Variants in GTF3C1 observed in about 807,000 individuals in gnomAD.
GTF3C1 encodes general transcription factor IIIC subunit 1.
In GTF3C1, 57 loss-of-function variants were observed where a neutral mutation model predicts 226.7. That is an observed-to-expected ratio of 0.25 (90% CI 0.20 to 0.31). GTF3C1 has a LOEUF of 0.31. Among genes scored for constraint, GTF3C1 ranks in the 10% least tolerant of loss-of-function variants. The pLI is 1.00. For missense variants in GTF3C1, 2,217 were observed against 2,776.1 expected (o/e 0.80, Z 4.53); for synonymous variants, 1,090 against 1,084.8 (o/e 1.00, Z -0.09).
chr16:27,538,162 G>A lies in GTF3C1; in HGVS notation c.608+18C>T. On this transcript the variant is annotated intron_variant, in intron 3 of 36. Coordinates refer to ENST00000356183, the MANE Select transcript of GTF3C1 (RefSeq NM_001520.4). ...ATGACATATAATTTAAAGCAGAGAA[G>A]CAAATCCCCCCACTTACTTGAAAGC... 1 of 1,509,344 alleles carries A rather than the reference G, an allele frequency of 6.6e-7. No individual in the cohort carries two copies. Among genetic ancestry groups the A allele is most frequent in the Non-Finnish European group, 8.9e-7 (1 of 1,119,132 alleles). The allele number at this position is 1,509,344 out of a possible 1,614,324, so 93.5% of individuals were successfully genotyped here.
At chr16:27,466,559 T>C (rs554700965) in intron 32 of GTF3C1, among the ~76,000 whole-genome samples, 2 of 152,316 alleles carry the variant, frequency 1.3e-5, no homozygotes, top group Admixed American at 6.5e-5. Context: ...GTGACCCCTC[T>C]GCATTCAAGT....
At chr16:27,473,973 C>T (rs2087915486) in intron 29 of GTF3C1, among the ~76,000 whole-genome samples, 1 of 152,310 alleles carries the variant, frequency 6.6e-6, no homozygotes, top group Non-Finnish European at 1.5e-5. Flanking sequence ...GGTGTATTCC[C>T]ACATAACAGG....
intron 27 of GTF3C1, chr16:27,480,698 C>A: frequency 5.2e-6 from 1 of 194,030 alleles, no homozygotes. Flanking sequence ...ACCCAAGATT[C>A]TTCTTCCAAA....
At chr16:27,522,043 T>C (rs996346913) in intron 6 of GTF3C1, among the ~76,000 whole-genome samples, 3 of 152,260 alleles carry the variant, frequency 2.0e-5, no homozygotes, top group Non-Finnish European at 4.4e-5. Context: ...CCATTTTAAC[T>C]ATCATAATTT....
chr16:27,525,185 T>TAAAAGAAAAGAAAAGAAAAGAAAAG lies in GTF3C1; in HGVS notation c.973+3412_973+3413insCTTTTCTTTTCTTTTCTTTTCTTTT, dbSNP rs60325418. Among the ~76,000 whole-genome samples, 298 of 150,740 alleles carry TAAAAGAAAAGAAAAGAAAAGAAAAG rather than the reference T, an allele frequency of 2.0e-3. 3 individuals are homozygous for TAAAAGAAAAGAAAAGAAAAGAAAAG. The highest frequency in any genetic ancestry group is 6.8e-3 in the African/African-American group (278 of 40,632). ...AAAGAAAGAAAAGAAAAGAAAGAAA[T>TAAAAGAAAAGAAAAGAAAAGAAAAG]AAAAGAAAAGAAAAGAAAAGATCAA... On this transcript the variant is annotated intron_variant, in intron 6 of 36. Transcript: ENST00000356183.
rs778802112 is a variant in GTF3C1 at position 27,492,674 on chromosome 16, C to T, written c.2916G>A (p.Leu972=). ...IFSVVENLQR[L]CYMGLLQFGP... Reference sequence around the variant, plus strand: ...CAAACTGTAGCAGCCCCATGTAGCACAGCCTCTGAAGGTTCTCCACCACCG... The same window carrying T: ...CAAACTGTAGCAGCCCCATGTAGCATAGCCTCTGAAGGTTCTCCACCACCG... Residue 972 remains leucine, a synonymous_variant, in exon 18 of 37, where the codon CTG becomes CTA. Transcript: ENST00000356183. The surrounding 1 kb of genome is among the most constrained non-coding windows in gnomAD (Gnocchi z 5.0). The T allele has an allele frequency of 3.7e-6, 6 of 1,607,740 alleles. No homozygotes were observed. In the East Asian group the frequency reaches 6.7e-5, roughly 18 times the overall value.
At chr16:27,478,927 GA>G (rs1461490295) in intron 27 of GTF3C1, among the ~76,000 whole-genome samples, 1 of 151,828 alleles carries the variant, frequency 6.6e-6, no homozygotes, top group Non-Finnish European at 1.5e-5. Context: ...ATAGAAGAAG[GA>G]AAAAGGTGGT....
intron 6 of GTF3C1, among the ~76,000 whole-genome samples, chr16:27,521,039 C>T (rs779020814): frequency 2.6e-5 from 4 of 152,060 alleles, no homozygotes; most frequent in African/African-American, 7.3e-5. Context: ...TCTTAAAGCG[C>T]GATCAATAGA....
chr16:27,515,644 C>G (rs945487610), intron 6 of GTF3C1, among the ~76,000 whole-genome samples: 1 of 152,166 alleles, frequency 6.6e-6, no homozygotes, highest in Non-Finnish European at 1.5e-5. Flanking sequence ...CAGAGCCAGG[C>G]AGAGAAGTGT....
intron 1 of GTF3C1, among the ~76,000 whole-genome samples, chr16:27,546,605 T>C (rs2089168504): frequency 6.6e-6 from 1 of 151,780 alleles, no homozygotes; most frequent in African/African-American, 2.4e-5. Flanking sequence ...CCTTGCAAAG[T>C]GCTAGGATTA....
intron 2 of GTF3C1, among the ~76,000 whole-genome samples, chr16:27,539,912 T>G: frequency 6.6e-6 from 1 of 152,154 alleles, no homozygotes; most frequent in East Asian, 1.9e-4. Flanking sequence ...GGTATTCTGT[T>G]GTATCAGCAG....
rs187257605 is a variant in GTF3C1 at position 27,519,960 on chromosome 16, A to T, written c.974-8059T>A. Among the ~76,000 whole-genome samples, 344 of 152,290 alleles carry T rather than the reference A, an allele frequency of 2.3e-3. 3 individuals are homozygous for T. The highest frequency in any genetic ancestry group is 7.2e-3 in the African/African-American group (298 of 41,588). On this transcript the variant is annotated intron_variant, in intron 6 of 36. Transcript: ENST00000356183. The stretch of plus-strand genomic sequence containing the variant: ...GTCTCTACAAAAAAAACAATTTTTT[A>T]AAAAAATTAGCTGGTGTGGTGGCAC...
At position 27,469,642 on chromosome 16, in the gene GTF3C1, GCT is replaced by G; in HGVS notation, c.4815-94_4815-93del. 1 of 1,422,830 alleles carries G rather than the reference GCT, an allele frequency of 7.0e-7. No homozygotes were observed. Among genetic ancestry groups the G allele is most frequent in the Non-Finnish European group, 9.7e-7 (1 of 1,035,954 alleles). 88.1% of individuals were successfully genotyped at this position (1,422,830 alleles called of 1,614,324 possible). On this transcript the variant is annotated intron_variant, in intron 31 of 36. Transcript: ENST00000356183. The surrounding 1 kb of genome is among the most constrained non-coding windows in gnomAD (Gnocchi z 4.5). ...TCCCTCAAGAGGCCTCTGTGGCTGGGCTTCAGCAGTGGCCCCAGCAACTGGCT... is the reference window on the plus strand; with the variant it reads ...TCCCTCAAGAGGCCTCTGTGGCTGGGTCAGCAGTGGCCCCAGCAACTGGCT...
rs944999609 is a variant in GTF3C1 at position 27,534,041 on chromosome 16, G to T, written c.753-654C>A. On this transcript the variant is annotated intron_variant, in intron 4 of 36. Coordinates refer to ENST00000356183, the MANE Select transcript of GTF3C1 (RefSeq NM_001520.4). The stretch of plus-strand genomic sequence containing the variant: ...AAAAAACAGATCACTTGGTGAGGAA[G>T]GATGGGGGTTATTCTACAAAGTTAA... 3.3e-5 allele frequency among the ~76,000 whole-genome samples: 5 copies of T among 152,242 alleles called. No individual in the cohort carries two copies. The East Asian group carries it at 9.7e-4, about 29-fold the overall frequency.
Position 27,469,221 on chromosome 16 carries a change from G to A in GTF3C1, c.5074+70C>T, listed in dbSNP as rs1192899094. 6.8e-7 allele frequency: 1 copy of A among 1,465,686 alleles called. No homozygotes were observed. The highest frequency in any genetic ancestry group is 2.1e-5 in the Admixed American group (1 of 47,050). 90.8% of individuals were successfully genotyped at this position (1,465,686 alleles called of 1,614,324 possible). A position where few individuals can be genotyped will look rare whatever the true frequency, so the allele number is the denominator to read the frequency against. On this transcript the variant is annotated intron_variant, in intron 32 of 36. Coordinates refer to ENST00000356183, the MANE Select transcript of GTF3C1 (RefSeq NM_001520.4). This position sits in a 1 kb window ranked among gnomAD's most constrained non-coding sequence, Gnocchi z 4.5. ...GGGAGCCTGAAGGTCTAGGTCCCAG[G>A]CCAGGCCTCAGGGTCTTCCTGGATG...
At chr16:27,540,005 A>G (rs567440895) in intron 2 of GTF3C1, among the ~76,000 whole-genome samples, 2 of 152,120 alleles carry the variant, frequency 1.3e-5, no homozygotes, top group South Asian at 4.2e-4. Flanking sequence ...CAGGCTACCA[A>G]TTCTGTTCAC....
intron 24 of GTF3C1, 127 bp from the exon 25 acceptor site, chr16:27,484,480 G>C: frequency 1.5e-6 from 1 of 647,928 alleles, no homozygotes; most frequent in Non-Finnish European, 2.8e-6. Flanking sequence ...CCCCACAACT[G>C]TCACCTCACA....
rs2088199605 is a variant in GTF3C1, at chr16:27,489,526, C to T, written c.3293+76G>A. 11 of 1,198,044 alleles carry T rather than the reference C, an allele frequency of 9.2e-6. No individual in the cohort carries two copies. The South Asian group carries it at 1.4e-4, about 15-fold the overall frequency. 74.2% of individuals were successfully genotyped at this position (1,198,044 alleles called of 1,614,324 possible). ...GTCTGGCCTGACATCCTAAGCCAGA[C>T]AAGGGCGGGCAGGCATCTGAAATGA... is the stretch of plus-strand genomic sequence containing the variant. On this transcript the variant is annotated intron_variant, in intron 20 of 36. Coordinates refer to ENST00000356183, the MANE Select transcript of GTF3C1 (RefSeq NM_001520.4).
intron 15 of GTF3C1, 54 bp from the exon 16 acceptor site, chr16:27,494,962 T>A: frequency 2.0e-6 from 3 of 1,506,848 alleles, no homozygotes; most frequent in Non-Finnish European, 2.8e-6. Context: ...GTCACCATGG[T>A]GACACATGGT....
Sources: gnomAD v4.1 joint callset for allele counts (sites outside exome capture counted in the v4.1 genomes callset) on GRCh38, gnomAD v4.1.1 for gene constraint, Gnocchi (gnomAD v3.1) non-coding constraint, MANE v1.5 for transcripts, NCBI Gene and HGNC (gene_info 2026-07-23, HGNC 2026-07-21) for gene names.